The following SAMD5 variants were observed in gnomAD, a reference collection of about 807,000 sequenced individuals.
The protein encoded by SAMD5 is sterile alpha motif domain-containing protein 5.
Under a neutral mutation model 11.3 loss-of-function variants are expected in SAMD5, and 13 were observed. The ratio of observed to expected loss-of-function variants is 1.15; its 90% CI spans 0.75 to 1.83. SAMD5 has a LOEUF of 1.83. SAMD5 is among the 40% of genes most tolerant of loss of function. The pLI is 0.00. For synonymous variants in SAMD5, 129 were observed against 111.3 expected, an observed-to-expected ratio of 1.16 and a Z score of -1.00; for missense variants, 255 against 239.1, an observed-to-expected ratio of 1.07 and a Z score of -0.44.
chr6:147,668,680 C>T (rs893055308), intron 1 of SAMD5, among the ~76,000 whole-genome samples: 4 of 151,814 alleles, frequency 2.6e-5, no homozygotes, highest in African/African-American at 9.7e-5. Flanking sequence ...CCCGTCTCTA[C>T]TAAAAATACA....
chr6:147,678,701 C>G (rs1790899397), intron 1 of SAMD5, among the ~76,000 whole-genome samples: 1 of 152,090 alleles, frequency 6.6e-6, no homozygotes, highest in African/African-American at 2.4e-5. Flanking sequence ...TAAAAGAACG[C>G]CTTGAGAAAT....
At position 147,566,915 on chromosome 6, in the gene SAMD5, C is replaced by T. The variant is rs1195081647; in HGVS notation, c.*2459C>T. On this transcript the variant is annotated 3_prime_UTR_variant, in exon 2 of 2. Coordinates refer to ENST00000367474, the MANE Select transcript of SAMD5 (RefSeq NM_001030060.3). ...GTCTTAGAAGGAGTAATTTTTTCAG[C>T]GTTTTTCCTCTGTATCTAAACACCA... is the stretch of plus-strand genomic sequence containing the variant. 4.7e-5 allele frequency: 44 copies of T among 926,846 alleles called. No homozygotes were observed. The highest frequency in any genetic ancestry group is 3.5e-4 in the East Asian group (3 of 8,516). The allele number at this position is 926,846 out of a possible 1,614,324, so 57.4% of individuals were successfully genotyped here. A position where few individuals can be genotyped will look rare whatever the true frequency, so the allele number is the denominator to read the frequency against.
the SAMD5 span, among the ~76,000 whole-genome samples, chr6:147,865,250 G>A: frequency 6.6e-6 from 1 of 151,830 alleles, no homozygotes; most frequent in Non-Finnish European, 1.5e-5. Flanking sequence ...GTGTGTGTGT[G>A]TATGTGTGTA....
the SAMD5 span, among the ~76,000 whole-genome samples, chr6:147,914,817 A>C: frequency 3.3e-5 from 5 of 152,220 alleles, no homozygotes; most frequent in African/African-American, 1.2e-4. Context: ...GTAATATCAT[A>C]AGAAAGACAT....
At chr6:147,843,093 A>G in the SAMD5 span, among the ~76,000 whole-genome samples, 2 of 152,096 alleles carry the variant, frequency 1.3e-5, no homozygotes, top group African/African-American at 4.8e-5. Flanking sequence ...TGAACTCTTG[A>G]CCTCAGGTAA....
intron 1 of SAMD5, among the ~76,000 whole-genome samples, chr6:147,721,140 A>G (rs1381787601): frequency 3.4e-5 from 5 of 145,440 alleles, no homozygotes; most frequent in African/African-American, 1.1e-4. Context: ...GCTATTGTGA[A>G]TAATGCGGCA....
chr6:147,847,768 G>A, the SAMD5 span, among the ~76,000 whole-genome samples: 20 of 152,210 alleles, frequency 1.3e-4, no homozygotes, highest in African/African-American at 4.1e-4. Context: ...CAGGAAAATC[G>A]CTTGAACCTG....
At chr6:147,748,426 G>A in the SAMD5 span, among the ~76,000 whole-genome samples, 1 of 152,222 alleles carries the variant, frequency 6.6e-6, no homozygotes, top group Non-Finnish European at 1.5e-5. Flanking sequence ...CACCGCATAT[G>A]GTGGTTGTAA....
At chr6:147,797,169 GT>G in the SAMD5 span, among the ~76,000 whole-genome samples, 1 of 127,388 alleles carries the variant, frequency 7.9e-6, no homozygotes, top group Non-Finnish European at 1.6e-5. Flanking sequence ...AATGCTTCCA[GT>G]TTTTGCCCAT....
chr6:147,685,375 T>C (rs1292232526), intron 1 of SAMD5, among the ~76,000 whole-genome samples: 1 of 152,172 alleles, frequency 6.6e-6, no homozygotes, highest in Non-Finnish European at 1.5e-5. Context: ...GATTTCACCA[T>C]GTTGCCAAGG....
At chr6:147,929,522 A>G in the SAMD5 span, among the ~76,000 whole-genome samples, 1 of 152,212 alleles carries the variant, frequency 6.6e-6, no homozygotes, top group Non-Finnish European at 1.5e-5. Context: ...ATTTTTAAAA[A>G]CCAAACTAAA....
chr6:147,943,157 C>T, the SAMD5 span, among the ~76,000 whole-genome samples: 1 of 152,004 alleles, frequency 6.6e-6, no homozygotes, highest in Non-Finnish European at 1.5e-5. Flanking sequence ...AGTATGAATC[C>T]CAGAACAGAT....
chr6:147,910,826 T>C, the SAMD5 span, among the ~76,000 whole-genome samples: 1 of 152,236 alleles, frequency 6.6e-6, no homozygotes, highest in Non-Finnish European at 1.5e-5. Context: ...GAAATAGCAG[T>C]TTTACAAATA....
intron 1 of SAMD5, among the ~76,000 whole-genome samples, chr6:147,585,931 A>G (rs1789367245): frequency 6.6e-6 from 1 of 152,190 alleles, no homozygotes; most frequent in Non-Finnish European, 1.5e-5. Context: ...AAAAAGATAA[A>G]GGTTGTAATT....
the SAMD5 span, among the ~76,000 whole-genome samples, chr6:147,820,267 G>C: frequency 6.6e-6 from 1 of 152,196 alleles, no homozygotes; most frequent in Non-Finnish European, 1.5e-5. Context: ...TTAGAGGTGA[G>C]TATTTGACAA....
At chr6:147,584,617 C>A (rs1789348068) in intron 1 of SAMD5, among the ~76,000 whole-genome samples, 1 of 152,172 alleles carries the variant, frequency 6.6e-6, no homozygotes, top group South Asian at 2.1e-4. Flanking sequence ...ACAGTGCCAG[C>A]TGTAGGTGGC....
the SAMD5 span, among the ~76,000 whole-genome samples, chr6:147,950,474 G>C: frequency 0.095 from 14,416 of 152,168 alleles, 921 homozygotes; most frequent in South Asian, 0.13. Flanking sequence ...CTGTGGTTTT[G>C]CCTCTCCTGG....
the SAMD5 span, among the ~76,000 whole-genome samples, chr6:147,760,799 A>G: frequency 6.6e-6 from 1 of 152,078 alleles, no homozygotes; most frequent in African/African-American, 2.4e-5. Flanking sequence ...GTGTTAATCT[A>G]CCTCCTTCAT....
chr6:147,633,033 T>G (rs1790174593), intron 1 of SAMD5, among the ~76,000 whole-genome samples: 2 of 152,206 alleles, frequency 1.3e-5, no homozygotes, highest in South Asian at 4.1e-4. Flanking sequence ...TCAGTCAGTG[T>G]TAAGATGTAA....
Sources: allele counts gnomAD v4.1 joint callset (sites outside exome capture counted in the v4.1 genomes callset), GRCh38; gene constraint gnomAD v4.1.1; transcripts MANE v1.5; gene names NCBI Gene and HGNC (gene_info 2026-07-23, HGNC 2026-07-21).